Variants in PCDH11X observed in about 807,000 individuals in gnomAD.
The protein encoded by PCDH11X is protocadherin 11 X-linked.
PCDH11X carries 18 observed loss-of-function variants against 53.3 expected under a neutral mutation model. The observed-to-expected ratio is 0.34, with a 90% CI of 0.23 to 0.50. The LOEUF (loss-of-function observed/expected upper bound fraction) is 0.50, where lower values mean the gene tolerates loss of function less well. Ranked by LOEUF, PCDH11X falls within the 20% of genes least tolerant of loss-of-function variation. PCDH11X has a pLI of 0.98. For synonymous variants in PCDH11X, 279 were observed against 393.3 expected, an observed-to-expected ratio of 0.71 and a Z score of 3.44; for missense variants, 570 against 1,032.4, an observed-to-expected ratio of 0.55 and a Z score of 6.14.
intron 5 of PCDH11X, among the ~76,000 whole-genome samples, chrX:91,846,582 C>T (rs1436965547): frequency 2.8e-5 from 3 of 106,496 alleles, no homozygotes; most frequent in African/African-American, 1.0e-4. Flanking sequence ...CGCGCCACTG[C>T]ACTCCAGCCT....
chrX:92,268,173 C>T lies in PCDH11X; in HGVS notation c.3144+5030C>T, dbSNP rs1487070466. Among the ~76,000 whole-genome samples, 3 of 112,207 alleles carry T rather than the reference C, an allele frequency of 2.7e-5. No individual in the cohort carries two copies. In the East Asian group the frequency reaches 8.4e-4, roughly 31 times the overall value. The stretch of plus-strand genomic sequence containing the variant: ...AGAGAAGGATTATTTTCCTATATTA[C>T]TTTTTGGACTATTATGATCTAGCAA... On this transcript the variant is annotated intron_variant, in intron 8 of 10. Coordinates refer to ENST00000682573, the MANE Select transcript of PCDH11X (RefSeq NM_032968.5).
intron 8 of PCDH11X, among the ~76,000 whole-genome samples, chrX:92,321,457 A>G (rs922140665): frequency 2.5e-4 from 28 of 110,718 alleles, no homozygotes; most frequent in Non-Finnish European, 4.9e-4. Flanking sequence ...TGGCCTCCCA[A>G]AGTGCTGGGA....
intron 8 of PCDH11X, among the ~76,000 whole-genome samples, chrX:92,309,693 C>T (rs2068906955): frequency 9.0e-6 from 1 of 111,546 alleles, no homozygotes; most frequent in Non-Finnish European, 1.9e-5. Flanking sequence ...AACAAATTTA[C>T]AACAAAACAA....
At chrX:92,510,646 G>A (rs1047703058) in intron 10 of PCDH11X, among the ~76,000 whole-genome samples, 6 of 109,513 alleles carry the variant, frequency 5.5e-5, no homozygotes, top group Non-Finnish European at 9.5e-5. Context: ...GTTTTGGGGT[G>A]GATTTGATTT....
At chrX:92,287,867 T>A (rs771246550) in intron 8 of PCDH11X, 894 of 485,662 alleles carry the variant, frequency 1.8e-3, no homozygotes, top group Middle Eastern at 2.9e-3. Context: ...TCTCCCTTGC[T>A]GTTCTTGTGA....
At chrX:92,117,598 A>G (rs192306767) in intron 6 of PCDH11X, among the ~76,000 whole-genome samples, 1 of 111,763 alleles carries the variant, frequency 8.9e-6, no homozygotes, top group East Asian at 2.8e-4. Context: ...CTAATTTTTT[A>G]TTAAAGTAAA....
At chrX:92,118,773 GCT>G (rs1384666034) in intron 6 of PCDH11X, among the ~76,000 whole-genome samples, 13 of 69,402 alleles carry the variant, frequency 1.9e-4, no homozygotes, top group Non-Finnish European at 7.3e-5. Context: ...ACGGAGTCTT[GCT>G]CTGTCACCTA....
chrX:92,173,676 G>T (rs1015943813), intron 6 of PCDH11X, among the ~76,000 whole-genome samples: 1 of 110,417 alleles, frequency 9.1e-6, no homozygotes. Flanking sequence ...AATGTATTTT[G>T]TAATTTTATC....
chrX:91,998,186 G>A (rs995368629), intron 6 of PCDH11X, among the ~76,000 whole-genome samples: 27 of 109,497 alleles, frequency 2.5e-4, no homozygotes, highest in Non-Finnish European at 4.0e-4. Flanking sequence ...TGCCCACCTC[G>A]GCCTCCCAAA....
intron 1 of PCDH11X, among the ~76,000 whole-genome samples, chrX:91,791,960 C>T (rs1431018901): frequency 9.5e-6 from 1 of 105,491 alleles, no homozygotes; most frequent in Non-Finnish European, 1.9e-5. Flanking sequence ...CTCCCGGGTT[C>T]ACGCCATTCT....
intron 6 of PCDH11X, among the ~76,000 whole-genome samples, chrX:91,891,931 TTA>T (rs1569429967): frequency 1.1e-5 from 1 of 90,154 alleles, no homozygotes. Context: ...ATATCAGGGT[TTA>T]AAAAAAAAAA....
intron 10 of PCDH11X, among the ~76,000 whole-genome samples, chrX:92,476,288 G>A (rs933582954): frequency 4.5e-5 from 5 of 111,865 alleles, no homozygotes; most frequent in East Asian, 2.8e-4. Flanking sequence ...ACCTAGTCTC[G>A]TGTGTGTCTT....
At chrX:91,994,613 C>T (rs1260499989) in intron 6 of PCDH11X, among the ~76,000 whole-genome samples, 8 of 103,211 alleles carry the variant, frequency 7.8e-5, no homozygotes, top group Non-Finnish European at 1.4e-4. Context: ...AACATGAGAA[C>T]GTAGATATCC....
intron 6 of PCDH11X, among the ~76,000 whole-genome samples, chrX:92,086,485 C>T (rs923199551): frequency 2.7e-5 from 3 of 110,830 alleles, no homozygotes; most frequent in Non-Finnish European, 5.7e-5. Flanking sequence ...ATGGTAATAA[C>T]TGCCTAATTG....
chrX:92,208,607 C>A (rs2066523952), intron 7 of PCDH11X, among the ~76,000 whole-genome samples: 1 of 91,691 alleles, frequency 1.1e-5, no homozygotes, highest in African/African-American at 4.1e-5. Context: ...AGAAGAACAC[C>A]TGCATATATT....
At chrX:91,867,341 C>T in intron 5 of PCDH11X, among the ~76,000 whole-genome samples, 1 of 111,137 alleles carries the variant, frequency 9.0e-6, no homozygotes, top group Non-Finnish European at 1.9e-5. Context: ...ATATTAAATA[C>T]TTCTAGTAAA....
At chrX:92,356,217 G>A (rs181611747) in intron 8 of PCDH11X, among the ~76,000 whole-genome samples, 8 of 111,626 alleles carry the variant, frequency 7.2e-5, no homozygotes, top group Non-Finnish European at 1.5e-4. Context: ...CAAAGAAACT[G>A]CAAGTTATAT....
chrX:91,907,412 C>CACCCACACACACACAGAG (rs756926383), intron 6 of PCDH11X, among the ~76,000 whole-genome samples: 1 of 57,498 alleles, frequency 1.7e-5, no homozygotes, highest in East Asian at 6.0e-4. Flanking sequence ...CACACACACA[C>CACCCACACACACACAGAG]AGAGAGAGAG....
intron 6 of PCDH11X, among the ~76,000 whole-genome samples, chrX:91,921,786 G>C (rs1274589314): frequency 9.2e-6 from 1 of 108,962 alleles, no homozygotes; most frequent in Non-Finnish European, 1.9e-5. Context: ...TGCTGGTTTT[G>C]TGTAAACATA....
Sources: allele counts gnomAD v4.1 joint callset (sites outside exome capture counted in the v4.1 genomes callset), GRCh38; gene constraint gnomAD v4.1.1; transcripts MANE v1.5; gene names NCBI Gene and HGNC (gene_info 2026-07-23, HGNC 2026-07-21).